Variants in ST6GALNAC5 observed in about 807,000 individuals in gnomAD.
ST6GALNAC5 encodes ST6 N-acetylgalactosaminide alpha-2,6-sialyltransferase 5, also known as alpha-N-acetylgalactosaminide alpha-2,6-sialyltransferase 5.
A neutral mutation model predicts 33.6 loss-of-function variants in ST6GALNAC5; 27 were observed. The observed-to-expected ratio is 0.80, with a 90% CI of 0.59 to 1.11. ST6GALNAC5 has a LOEUF of 1.11. Among genes scored for constraint, ST6GALNAC5 ranks in the 50% least tolerant of loss-of-function variants. The pLI is 0.00. For missense variants in ST6GALNAC5, 428 were observed against 454.0 expected (o/e 0.94, Z 0.52); for synonymous variants, 194 against 171.2 (o/e 1.13, Z -1.04).
intron 2 of ST6GALNAC5, among the ~76,000 whole-genome samples, chr1:77,026,557 T>G (rs902025174): frequency 1.3e-5 from 2 of 152,188 alleles, no homozygotes; most frequent in Non-Finnish European, 2.9e-5. Context: ...ACACATAGCC[T>G]TGGCTCCATG....
chr1:76,942,580 C>A (rs12734254), intron 2 of ST6GALNAC5, among the ~76,000 whole-genome samples: 49,582 of 151,932 alleles, frequency 0.33, 9,710 homozygotes, highest in Non-Finnish European at 0.43. Context: ...TATGGTTTGG[C>A]CCTTCTGGAG....
intron 2 of ST6GALNAC5, among the ~76,000 whole-genome samples, chr1:76,982,648 G>C (rs1019940544): frequency 6.6e-6 from 1 of 152,022 alleles, no homozygotes; most frequent in Non-Finnish European, 1.5e-5. Context: ...ATTCAAATTC[G>C]GGAAATACAG....
At chr1:76,961,260 GA>G (rs1375111487) in intron 2 of ST6GALNAC5, among the ~76,000 whole-genome samples, 1 of 152,132 alleles carries the variant, frequency 6.6e-6, no homozygotes, top group African/African-American at 2.4e-5. Context: ...CACTTTTGGA[GA>G]GGCTAGATTA....
intron 2 of ST6GALNAC5, among the ~76,000 whole-genome samples, chr1:76,914,795 A>T (rs369277037): frequency 6.6e-4 from 101 of 152,166 alleles, no homozygotes; most frequent in Middle Eastern, 3.4e-3. Flanking sequence ...GGACTTCATG[A>T]CTAAAACACC....
In ST6GALNAC5 at chr1:77,044,135, A is replaced by G. The variant is rs1048198527; in HGVS notation, c.262-69A>G. ...TGCCCTTCTTCAAAGGCAGGGAAGT[A>G]GCCTGCTGGTGCTGAGTGAGGGTTA... On this transcript the variant is annotated intron_variant, in intron 2 of 4. Coordinates refer to ENST00000477717, the MANE Select transcript of ST6GALNAC5 (RefSeq NM_030965.3). 8 of 1,494,310 alleles carry G rather than the reference A, an allele frequency of 5.4e-6. No homozygotes were observed. The Admixed American group carries it at 1.5e-4, about 29-fold the overall frequency. The allele number at this position is 1,494,310 out of a possible 1,614,324, so 92.6% of individuals were successfully genotyped here. A position where few individuals can be genotyped will look rare whatever the true frequency, so the allele number is the denominator to read the frequency against.
chr1:76,966,423 G>T (rs576280636), intron 2 of ST6GALNAC5, among the ~76,000 whole-genome samples: 12 of 152,312 alleles, frequency 7.9e-5, no homozygotes, highest in African/African-American at 2.9e-4. Flanking sequence ...ATTTAGGAAT[G>T]CTTGTGATTT....
rs545132066 is a variant in ST6GALNAC5 at position 76,941,278 on chromosome 1, G to A, written c.261+72536G>A. The stretch of plus-strand genomic sequence containing the variant: ...ACAGGCGGCAATATTTAGAAAGTTA[G>A]AGGGCAGCACCTTCCAAAATGGACC... On this transcript the variant is annotated intron_variant, in intron 2 of 4. Coordinates refer to ENST00000477717, the MANE Select transcript of ST6GALNAC5 (RefSeq NM_030965.3). 5.9e-5 allele frequency among the ~76,000 whole-genome samples: 9 copies of A among 152,198 alleles called. No homozygotes were observed. In the South Asian group the frequency reaches 1.2e-3, roughly 21 times the overall value.
chr1:76,945,416 G>A (rs1647482640), intron 2 of ST6GALNAC5, among the ~76,000 whole-genome samples: 1 of 152,084 alleles, frequency 6.6e-6, no homozygotes, highest in Admixed American at 6.6e-5. Context: ...CTTTGGGCAT[G>A]CCTTTCAGGA....
chr1:77,037,170 A>G (rs1651672825), intron 2 of ST6GALNAC5, among the ~76,000 whole-genome samples: 1 of 152,214 alleles, frequency 6.6e-6, no homozygotes, highest in South Asian at 2.1e-4. Context: ...GAGAGCCATG[A>G]CACAGAGCTC....
At chr1:77,055,439 C>T (rs1177126142) in intron 4 of ST6GALNAC5, among the ~76,000 whole-genome samples, 1 of 152,148 alleles carries the variant, frequency 6.6e-6, no homozygotes, top group African/African-American at 2.4e-5. Context: ...TGGCTCTGTG[C>T]TTAACATGAA....
chr1:76,980,008 T>A (rs1429032098), intron 2 of ST6GALNAC5, among the ~76,000 whole-genome samples: 1 of 152,092 alleles, frequency 6.6e-6, no homozygotes, highest in Non-Finnish European at 1.5e-5. Flanking sequence ...AGGGATATGC[T>A]TCACAAAATT....
intron 2 of ST6GALNAC5, among the ~76,000 whole-genome samples, chr1:76,996,418 A>G (rs1649942043): frequency 6.6e-6 from 1 of 152,238 alleles, no homozygotes; most frequent in Non-Finnish European, 1.5e-5. Flanking sequence ...CTTGCCATCA[A>G]AACAACTCAC....
chr1:76,881,002 C>G (rs895775862), intron 2 of ST6GALNAC5, among the ~76,000 whole-genome samples: 1 of 152,140 alleles, frequency 6.6e-6, no homozygotes, highest in Non-Finnish European at 1.5e-5. Context: ...TGTGAAAGGA[C>G]TTTGAAAAAT....
At chr1:76,914,626 C>G (rs1646950120) in intron 2 of ST6GALNAC5, among the ~76,000 whole-genome samples, 1 of 152,180 alleles carries the variant, frequency 6.6e-6, no homozygotes, top group Non-Finnish European at 1.5e-5. Flanking sequence ...GCTGGGAAAA[C>G]AGGCTAGCCA....
chr1:76,897,643 T>G (rs577974093), intron 2 of ST6GALNAC5, among the ~76,000 whole-genome samples: 316 of 152,130 alleles, frequency 2.1e-3, no homozygotes, highest in Non-Finnish European at 2.5e-3. Context: ...AGAGGAGGAC[T>G]CAAAGGAGGC....
intron 2 of ST6GALNAC5, among the ~76,000 whole-genome samples, chr1:77,004,885 C>A (rs1326568847): frequency 7.2e-6 from 1 of 139,220 alleles, no homozygotes; most frequent in Non-Finnish European, 1.6e-5. Context: ...AGAACCACTG[C>A]TCTCTTCAAA....
chr1:76,969,183 G>A (rs147420156), intron 2 of ST6GALNAC5, among the ~76,000 whole-genome samples: 1 of 152,310 alleles, frequency 6.6e-6, no homozygotes, highest in Non-Finnish European at 1.5e-5. Flanking sequence ...AGGGGGTGTA[G>A]CCCATGGAGG....
chr1:77,048,923 T>C lies in ST6GALNAC5; in HGVS notation c.672-1335T>C, dbSNP rs377440940. ...CCTCAGGTCATCCAGCTGGTTATGA[T>C]AGAAACAGGTAAGATTCAGCCCACT... On this transcript the variant is annotated intron_variant, in intron 3 of 4. Transcript: ENST00000477717. Among the ~76,000 whole-genome samples the C allele has an allele frequency of 1.3e-3, 190 of 147,782 alleles. 1 individual carries two copies. The highest frequency in any genetic ancestry group is 4.7e-3 in the African/African-American group (184 of 39,124).
rs777146814 is a variant in ST6GALNAC5, at chr1:77,063,104, C to T, written c.909C>T (p.Val303=). Residue 303 remains valine (V), a synonymous_variant, in exon 5 of 5, where the codon GTC becomes GTT. Transcript: ENST00000477717. ...ACCGCTTTATCACAGAGAAACGAGT[C>T]TTTAAGAACTGGGCACGGACATTCA... The part of the protein sequence containing the change: ...SHHRFITEKR[V]FKNWARTFNI... 10 of 1,613,786 alleles carry T rather than the reference C, an allele frequency of 6.2e-6. No homozygotes were observed. In the Admixed American group the frequency reaches 1.0e-4, roughly 16 times the overall value.
Sources: gnomAD v4.1 joint callset for allele counts (sites outside exome capture counted in the v4.1 genomes callset) on GRCh38, gnomAD v4.1.1 for gene constraint, MANE v1.5 for transcripts, NCBI Gene and HGNC (gene_info 2026-07-23, HGNC 2026-07-21) for gene names.